Variants in TYR observed in about 807,000 individuals in gnomAD.
TYR encodes LB24-AB.
A neutral mutation model predicts 51.5 loss-of-function variants in TYR; 58 were observed. That is an observed-to-expected ratio of 1.13 (90% CI 0.91 to 1.40). The LOEUF (loss-of-function observed/expected upper bound fraction) is 1.40. Ranked by LOEUF, TYR falls within the 40% of genes most tolerant of loss-of-function variation. The pLI is 0.00. For synonymous variants in TYR, 263 were observed against 235.2 expected (o/e 1.12, Z -1.08); for missense variants, 732 against 647.4 (o/e 1.13, Z -1.42).
chr11:89,245,173 GAAC>G (rs1473076672), intron 3 of TYR, among the ~76,000 whole-genome samples: 1 of 151,922 alleles, frequency 6.6e-6, no homozygotes, highest in Non-Finnish European at 1.5e-5. Flanking sequence ...AATATATAGA[GAAC>G]AAAACAAAAA....
intron 2 of TYR, among the ~76,000 whole-genome samples, chr11:89,226,385 A>G (rs1388904001): frequency 2.0e-5 from 3 of 152,118 alleles, no homozygotes; most frequent in Admixed American, 1.3e-4. Flanking sequence ...AATTATGTCA[A>G]GATCTAGAAA....
chr11:89,224,447 A>C (rs1943952054), intron 2 of TYR, among the ~76,000 whole-genome samples: 1 of 152,188 alleles, frequency 6.6e-6, no homozygotes, highest in Admixed American at 6.6e-5. Context: ...AGTTCTACTC[A>C]GTTCAAAAAT....
chr11:89,224,160 A>G (rs1943947626), intron 2 of TYR, among the ~76,000 whole-genome samples: 2 of 152,190 alleles, frequency 1.3e-5, no homozygotes, highest in Non-Finnish European at 2.9e-5. Context: ...GGTTGCAGCA[A>G]AAGAGATACT....
chr11:89,216,302 A>C (rs1053930973), intron 2 of TYR, among the ~76,000 whole-genome samples: 5 of 152,156 alleles, frequency 3.3e-5, no homozygotes, highest in African/African-American at 9.7e-5. Flanking sequence ...TGTGGCTCAG[A>C]TTATTCCTTC....
Position 89,178,313 on chromosome 11 carries a change from A to G in TYR, c.360A>G (p.Arg120=). The G allele has an allele frequency of 6.2e-7, 1 of 1,614,164 alleles. No individual in the cohort carries two copies. Among genetic ancestry groups the G allele is most frequent in the African/African-American group, 1.3e-5 (1 of 75,040 alleles). Residue 120 remains arginine, a synonymous_variant, in exon 1 of 5, where the codon AGA becomes AGG. Transcript: ENST00000263321. ...GCACAGAGAGACGACTCTTGGTGAG[A>G]AGAAACATCTTCGATTTGAGTGCCC... ...PNCTERRLLV[R]RNIFDLSAPE...
chr11:89,277,639 A>G (rs148229951), intron 3 of TYR, among the ~76,000 whole-genome samples: 1 of 151,828 alleles, frequency 6.6e-6, no homozygotes, highest in East Asian at 2.0e-4. Context: ...TGACATCAGC[A>G]TCCTCCCCTA....
intron 3 of TYR, among the ~76,000 whole-genome samples, chr11:89,257,986 T>TA (rs1565415048): frequency 2.6e-5 from 4 of 152,094 alleles, no homozygotes; most frequent in Non-Finnish European, 2.9e-5. Flanking sequence ...TGGATTTTTT[T>TA]AAAAAAATCA....
chr11:89,179,121 G>C (rs1367974849), intron 1 of TYR, among the ~76,000 whole-genome samples: 1 of 151,928 alleles, frequency 6.6e-6, no homozygotes, highest in Non-Finnish European at 1.5e-5. Context: ...TGAATATCTG[G>C]ATGATTAAAA....
At chr11:89,281,264 T>C (rs2135321785) in intron 3 of TYR, among the ~76,000 whole-genome samples, 1 of 151,794 alleles carries the variant, frequency 6.6e-6, no homozygotes, top group Admixed American at 6.6e-5. Context: ...AGGAATTCTC[T>C]TCCTGAAACT....
chr11:89,239,216 C>G (rs1944160469), intron 3 of TYR, among the ~76,000 whole-genome samples: 1 of 152,080 alleles, frequency 6.6e-6, no homozygotes, highest in African/African-American at 2.4e-5. Context: ...CTAAGCTTTT[C>G]TCTGATGGAA....
At chr11:89,197,429 A>G (rs138852293) in intron 2 of TYR, among the ~76,000 whole-genome samples, 321 of 152,304 alleles carry the variant, frequency 2.1e-3, no homozygotes, top group Non-Finnish European at 3.2e-3. Flanking sequence ...AATACATTAA[A>G]TGTTAGCTGT....
At position 89,178,085 on chromosome 11, in the gene TYR, T is replaced by TC; in HGVS notation, c.135dup (p.Cys46LeufsTer31). 6 of 1,614,060 alleles carry TC rather than the reference T, an allele frequency of 3.7e-6. No individual in the cohort carries two copies. The highest frequency in any genetic ancestry group is 5.1e-6 in the Non-Finnish European group (6 of 1,180,008). ...GTCCACCGTGGAGCGGGGACAGGAG[T>TC]CCCTGTGGCCAGCTTTCAGGCAGAG... On this transcript the variant is annotated frameshift_variant, in exon 1 of 5. Transcript: ENST00000263321. LOFTEE classifies it high-confidence loss of function.
At chr11:89,259,615 A>C (rs2135306103) in intron 3 of TYR, among the ~76,000 whole-genome samples, 1 of 152,264 alleles carries the variant, frequency 6.6e-6, no homozygotes, top group African/African-American at 2.4e-5. Context: ...GTCAAACCAG[A>C]GTTCATAAAA....
At chr11:89,190,195 A>G (rs1250104787) in intron 1 of TYR, among the ~76,000 whole-genome samples, 1 of 152,142 alleles carries the variant, frequency 6.6e-6, no homozygotes. Context: ...TAAAAAAGTA[A>G]GTTAACTGTA....
chr11:89,283,934 C>T (rs1944750253), intron 3 of TYR: 1 of 151,736 alleles, frequency 6.6e-6, no homozygotes, highest in African/African-American at 2.4e-5. Context: ...CATGGAGCAG[C>T]AGGTTCAGAA....
intron 4 of TYR, 82 bp downstream of exon 4, chr11:89,285,036 G>A (rs1590902660): frequency 6.6e-6 from 8 of 1,203,120 alleles, no homozygotes; most frequent in South Asian, 1.2e-5. Flanking sequence ...TTTATGCTTC[G>A]ACAATGTTAT....
intron 3 of TYR, among the ~76,000 whole-genome samples, chr11:89,256,404 A>G (rs1161293481): frequency 6.6e-6 from 1 of 151,672 alleles, no homozygotes; most frequent in African/African-American, 2.4e-5. Flanking sequence ...GACTAGCTAT[A>G]AAGAACTTTG....
chr11:89,193,870 TTC>T (rs10547762), intron 2 of TYR, among the ~76,000 whole-genome samples: 75,606 of 151,462 alleles, frequency 0.5, 21,405 homozygotes, highest in African/African-American at 0.79. Flanking sequence ...TGTATCCTGT[TTC>T]TCTCTCTCTC....
intron 1 of TYR, 67 bp downstream of exon 1, chr11:89,178,839 G>A (rs922459500): frequency 6.5e-7 from 1 of 1,537,600 alleles, no homozygotes; most frequent in South Asian, 1.1e-5. Context: ...TTCAGGCAGG[G>A]TATAAACTTC....
Sources: allele counts gnomAD v4.1 joint callset (sites outside exome capture counted in the v4.1 genomes callset), GRCh38; gene constraint gnomAD v4.1.1; transcripts MANE v1.5; gene names NCBI Gene and HGNC (gene_info 2026-07-23, HGNC 2026-07-21).